DOCK1: variants seen among roughly 807,000 people sequenced by gnomAD.
DOCK1 encodes the protein dedicator of cytokinesis 1.
DOCK1 carries 138 observed loss-of-function variants against 262.7 expected under a neutral mutation model. The ratio of observed to expected loss-of-function variants is 0.53; its 90% CI spans 0.46 to 0.61. The LOEUF (loss-of-function observed/expected upper bound fraction) is 0.61, where lower values mean the gene tolerates loss of function less well. DOCK1 is among the 20% of genes least tolerant of loss of function. The pLI is 0.00. For missense variants in DOCK1, 1,908 were observed against 2,370.7 expected, an observed-to-expected ratio of 0.80 and a Z score of 4.05; for synonymous variants, 866 against 867.4, an observed-to-expected ratio of 1.00 and a Z score of 0.03.
Position 126,935,094 on chromosome 10 carries a change from C to T in DOCK1, c.46+29531C>T, listed in dbSNP as rs950936928. Among the ~76,000 whole-genome samples the T allele has an allele frequency of 1.3e-3, 199 of 152,180 alleles. 3 individuals carry two copies. The highest frequency in any genetic ancestry group is 6.8e-3 in the Middle Eastern group (2 of 294). On this transcript the variant is annotated intron_variant, in intron 1 of 51. Coordinates refer to ENST00000623213, the MANE Select transcript of DOCK1 (RefSeq NM_001290223.2). ...CTGCACTCCAGCCTGGGTGACAGAG[C>T]GAGACTCCGTCTCAAAAAAAGAGAG...
At chr10:127,248,748 T>G (rs1426132623) in intron 28 of DOCK1, among the ~76,000 whole-genome samples, 1 of 152,200 alleles carries the variant, frequency 6.6e-6, no homozygotes, top group Non-Finnish European at 1.5e-5. Context: ...TGACTTGAAC[T>G]CTAAGATTCC....
chr10:127,309,988 G>A (rs1158958574), intron 29 of DOCK1, among the ~76,000 whole-genome samples: 1 of 151,426 alleles, frequency 6.6e-6, no homozygotes, highest in Non-Finnish European at 1.5e-5. Context: ...CAATTCTTGT[G>A]CCTCAGCCTC....
intron 47 of DOCK1, among the ~76,000 whole-genome samples, chr10:127,426,624 A>G (rs2068833278): frequency 6.6e-6 from 1 of 152,222 alleles, no homozygotes; most frequent in Admixed American, 6.5e-5. Flanking sequence ...CCCTCAACAG[A>G]GGCTGAGAGG....
At chr10:126,967,598 T>C (rs1000224563) in intron 1 of DOCK1, among the ~76,000 whole-genome samples, 8 of 152,020 alleles carry the variant, frequency 5.3e-5, no homozygotes, top group African/African-American at 1.9e-4. Flanking sequence ...CAGTGGCCCA[T>C]GCTCCCACGG....
chr10:127,154,024 A>G, intron 27 of DOCK1: 1 of 797,658 alleles, frequency 1.3e-6, no homozygotes. Flanking sequence ...TGCCAAGCTC[A>G]TCATGGTCAT....
At chr10:127,250,588 C>G (rs11016937) in intron 28 of DOCK1, among the ~76,000 whole-genome samples, 92 of 151,586 alleles carry the variant, frequency 6.1e-4, no homozygotes, top group African/African-American at 9.9e-4. Context: ...GTCAGGAGTT[C>G]GAGAACAACC....
chr10:127,330,535 A>C (rs1019994352), intron 29 of DOCK1, among the ~76,000 whole-genome samples: 2 of 152,226 alleles, frequency 1.3e-5, no homozygotes, highest in Non-Finnish European at 2.9e-5. Flanking sequence ...GGTTCCTCTA[A>C]AACTTTAAAA....
At chr10:127,057,100 A>G (rs1038499146) in intron 22 of DOCK1, among the ~76,000 whole-genome samples, 14 of 152,010 alleles carry the variant, frequency 9.2e-5, no homozygotes, top group African/African-American at 3.1e-4. Context: ...AAAGAGCCCC[A>G]CGTCCCACAC....
chr10:127,060,687 A>G (rs1265673654), intron 22 of DOCK1, among the ~76,000 whole-genome samples: 1 of 152,240 alleles, frequency 6.6e-6, no homozygotes, highest in African/African-American at 2.4e-5. Context: ...CTTATTTTCA[A>G]TTAGTAACAT....
chr10:127,429,042 A>G (rs78428496), intron 47 of DOCK1, among the ~76,000 whole-genome samples: 24,760 of 68,736 alleles, frequency 0.36, 2,279 homozygotes, highest in Middle Eastern at 0.45. Flanking sequence ...TTGGGGTGTC[A>G]TGTGGATTGG....
At chr10:127,132,229 T>A (rs2050367599) in intron 27 of DOCK1, among the ~76,000 whole-genome samples, 1 of 152,236 alleles carries the variant, frequency 6.6e-6, no homozygotes, top group Admixed American at 6.5e-5. Context: ...TTGTTTGCTT[T>A]AGTTGATTAT....
rs61875507 is a variant in DOCK1, at chr10:126,982,595, T to C, written c.227+622T>C. ...CTACATCTTCACACTCAGTTAAATA[T>C]GTAAATTATAAAATTACTAATCATA... is the stretch of plus-strand genomic sequence containing the variant. On this transcript the variant is annotated intron_variant, in intron 4 of 51. Coordinates refer to ENST00000623213, the MANE Select transcript of DOCK1 (RefSeq NM_001290223.2). Among the ~76,000 whole-genome samples the C allele has an allele frequency of 3.2e-3, 485 of 152,362 alleles. 2 individuals carry two copies. The highest frequency in any genetic ancestry group is 4.8e-3 in the Non-Finnish European group (325 of 68,024).
At chr10:127,114,286 A>C (rs1187895326) in intron 25 of DOCK1, among the ~76,000 whole-genome samples, 1 of 152,214 alleles carries the variant, frequency 6.6e-6, no homozygotes, top group Admixed American at 6.5e-5. Context: ...ATTCCTAACC[A>C]GGAGGCAGTA....
rs772026364 is a variant in DOCK1, at chr10:127,335,714, A to AT, written c.3045-3277dup. Among the ~76,000 whole-genome samples, 503 of 134,432 alleles carry AT rather than the reference A, an allele frequency of 3.7e-3. 1 individual carries two copies. Among genetic ancestry groups the AT allele is most frequent in the Middle Eastern group, 0.012 (3 of 250 alleles). 88.2% of individuals were successfully genotyped at this position (134,432 alleles called of 152,430 possible). A position where few individuals can be genotyped will look rare whatever the true frequency, so the allele number is the denominator to read the frequency against. On this transcript the variant is annotated intron_variant, in intron 29 of 51. Transcript: ENST00000623213. ...AGGTGCACACCACCAGGCCCAGCTA[A>AT]TTTTTTTTTTTTTTTCTTGAGATGG...
intron 46 of DOCK1, among the ~76,000 whole-genome samples, chr10:127,422,260 G>A (rs939045248): frequency 3.2e-5 from 4 of 126,392 alleles, no homozygotes; most frequent in Middle Eastern, 5.6e-3. Context: ...TCCACCTCCC[G>A]GGTTCAAGCG....
chr10:127,324,624 T>A (rs1055380300), intron 29 of DOCK1, among the ~76,000 whole-genome samples: 7 of 152,222 alleles, frequency 4.6e-5, no homozygotes, highest in Admixed American at 1.3e-4. Flanking sequence ...GTTTTTTTTT[T>A]AAAAGATACT....
In DOCK1 at chr10:126,951,470, GTAT is replaced by G. The variant is rs1453243558; in HGVS notation, c.47-19230_47-19228del. ...GTTGGTAGTATTGGTAGTAGTGGTAGTATTCGTAGTATTGTTGGTGATAGTGGT... is the reference window on the plus strand; with the variant it reads ...GTTGGTAGTATTGGTAGTAGTGGTAGTCGTAGTATTGTTGGTGATAGTGGT... On this transcript the variant is annotated intron_variant, in intron 1 of 51. Transcript: ENST00000623213. Among the ~76,000 whole-genome samples the G allele has an allele frequency of 6.3e-3, 953 of 150,670 alleles. 9 individuals are homozygous for G. The highest frequency in any genetic ancestry group is 0.022 in the African/African-American group (910 of 40,984).
chr10:127,281,058 C>T (rs2060944760), intron 29 of DOCK1, among the ~76,000 whole-genome samples: 2 of 152,212 alleles, frequency 1.3e-5, no homozygotes, highest in Admixed American at 1.3e-4. Flanking sequence ...ACAGCCTTGG[C>T]TTCCTTGTTT....
chr10:127,018,622 G>A, intron 12 of DOCK1, 88 bp from the exon 13 acceptor site: 1 of 1,581,886 alleles, frequency 6.3e-7, no homozygotes, highest in Non-Finnish European at 8.6e-7. Context: ...TGAATTAAAA[G>A]TCTCTCATTC....
Sources: allele counts gnomAD v4.1 joint callset (sites outside exome capture counted in the v4.1 genomes callset), GRCh38; gene constraint gnomAD v4.1.1; transcripts MANE v1.5; gene names NCBI Gene and HGNC (gene_info 2026-07-23, HGNC 2026-07-21).